Variants in WWOX observed in about 807,000 individuals in gnomAD.
WWOX encodes the protein WW domain-containing oxidoreductase.
WWOX carries 69 observed loss-of-function variants against 46.2 expected under a neutral mutation model. The ratio of observed to expected loss-of-function variants is 1.49; its 90% CI spans 1.23 to 1.82. The LOEUF (loss-of-function observed/expected upper bound fraction) is 1.82. Ranked by LOEUF, WWOX falls within the 40% of genes most tolerant of loss-of-function variation. The pLI, the probability that WWOX is intolerant of heterozygous loss-of-function variation, is 0.00. For synonymous variants in WWOX, 359 were observed against 202.6 expected, an observed-to-expected ratio of 1.77 and a Z score of -6.56; for missense variants, 919 against 542.6, an observed-to-expected ratio of 1.69 and a Z score of -6.89.
chr16:78,313,268 C>T (rs965838240), intron 5 of WWOX, among the ~76,000 whole-genome samples: 2 of 152,204 alleles, frequency 1.3e-5, no homozygotes, highest in African/African-American at 4.8e-5. Context: ...TAAAATATGG[C>T]TTATAACTCA....
At chr16:78,164,561 A>C (rs1043244292) in intron 5 of WWOX, among the ~76,000 whole-genome samples, 12 of 152,326 alleles carry the variant, frequency 7.9e-5, no homozygotes, top group African/African-American at 2.6e-4. Flanking sequence ...ATTAAGAAAA[A>C]TAAAACGTGG....
intron 8 of WWOX, among the ~76,000 whole-genome samples, chr16:78,735,599 G>A (rs1429622163): frequency 6.6e-6 from 1 of 152,198 alleles, no homozygotes; most frequent in Non-Finnish European, 1.5e-5. Flanking sequence ...TGTGTCTGCA[G>A]GCATGGGCCT....
intron 6 of WWOX, among the ~76,000 whole-genome samples, chr16:78,388,254 C>G (rs1162008236): frequency 6.6e-6 from 1 of 152,172 alleles, no homozygotes; most frequent in African/African-American, 2.4e-5. Context: ...TGGTCTCAAA[C>G]TCCTGGCCTC....
At chr16:78,932,530 C>T (rs143361630) in intron 8 of WWOX, among the ~76,000 whole-genome samples, 4 of 152,314 alleles carry the variant, frequency 2.6e-5, no homozygotes, top group African/African-American at 4.8e-5. Flanking sequence ...TGGGCCCTGC[C>T]GGCAGGCACA....
At chr16:79,144,593 AT>A (rs1833509065) in intron 8 of WWOX, among the ~76,000 whole-genome samples, 1 of 152,218 alleles carries the variant, frequency 6.6e-6, no homozygotes, top group South Asian at 2.1e-4. Context: ...ATTAAAAAAA[AT>A]ATCGAGTGGA....
chr16:79,212,292 TAGC>T lies in WWOX; in HGVS notation c.*498_*500del. ...CATCCTGACCAAGACTGAGCCAGCT[TAGC>T]AACTGCTGGGGAGACAAATCTCAGA... On this transcript the variant is annotated 3_prime_UTR_variant, in exon 9 of 9. Transcript: ENST00000566780. 1 of 1,049,010 alleles carries T rather than the reference TAGC, an allele frequency of 9.5e-7. No individual in the cohort carries two copies. The highest frequency in any genetic ancestry group is 2.6e-5 in the East Asian group (1 of 38,064). 65.0% of individuals were successfully genotyped at this position (1,049,010 alleles called of 1,614,324 possible). A position where few individuals can be genotyped will look rare whatever the true frequency, so the allele number is the denominator to read the frequency against.
At chr16:78,563,010 C>G (rs1013510085) in intron 8 of WWOX, among the ~76,000 whole-genome samples, 33 of 151,846 alleles carry the variant, frequency 2.2e-4, no homozygotes, top group African/African-American at 7.7e-4. Flanking sequence ...ATCCCTCCCC[C>G]TATCTTTCTT....
At chr16:78,422,211 G>T (rs73572808) in intron 6 of WWOX, among the ~76,000 whole-genome samples, 2,116 of 152,212 alleles carry the variant, frequency 0.014, 43 homozygotes, top group African/African-American at 0.046. Flanking sequence ...GCTTCTATAT[G>T]ATTGCATATA....
chr16:78,693,565 C>T (rs1597454087), intron 8 of WWOX, among the ~76,000 whole-genome samples: 1 of 152,082 alleles, frequency 6.6e-6, no homozygotes, highest in South Asian at 2.1e-4. Context: ...AGTAGTATTT[C>T]AGGTGGGGGG....
At chr16:79,087,583 G>C (rs2150593079) in intron 8 of WWOX, among the ~76,000 whole-genome samples, 1 of 152,204 alleles carries the variant, frequency 6.6e-6, no homozygotes, top group South Asian at 2.1e-4. Context: ...TGGACAAGAA[G>C]TCCTGAGCAC....
At chr16:78,817,096 C>A (rs933963342) in intron 8 of WWOX, among the ~76,000 whole-genome samples, 1 of 151,122 alleles carries the variant, frequency 6.6e-6, no homozygotes, top group Non-Finnish European at 1.5e-5. Flanking sequence ...CCTCTGTAAT[C>A]CCTGGTGGAG....
At chr16:79,064,725 T>C (rs1180982747) in intron 8 of WWOX, among the ~76,000 whole-genome samples, 2 of 152,218 alleles carry the variant, frequency 1.3e-5, no homozygotes, top group Non-Finnish European at 1.5e-5. Context: ...GAGTGTACAA[T>C]TCATGGGCTA....
At chr16:78,999,010 C>T (rs1337347952) in intron 8 of WWOX, among the ~76,000 whole-genome samples, 1 of 152,160 alleles carries the variant, frequency 6.6e-6, no homozygotes, top group African/African-American at 2.4e-5. Flanking sequence ...ATTCCACCTT[C>T]TAGGAACCAA....
intron 8 of WWOX, among the ~76,000 whole-genome samples, chr16:78,592,886 C>G (rs192570600): frequency 1.3e-5 from 2 of 152,098 alleles, no homozygotes; most frequent in Non-Finnish European, 2.9e-5. Context: ...AGCATGAAAA[C>G]GAAAAGGTGG....
intron 8 of WWOX, among the ~76,000 whole-genome samples, chr16:79,046,733 C>G (rs561789778): frequency 1.6e-4 from 25 of 152,304 alleles, no homozygotes; most frequent in African/African-American, 3.6e-4. Context: ...CAGCTCCCAC[C>G]TCTTTCTCTC....
At chr16:78,960,802 C>G (rs1478530497) in intron 8 of WWOX, among the ~76,000 whole-genome samples, 1 of 152,014 alleles carries the variant, frequency 6.6e-6, no homozygotes. Context: ...TTTTTGTCTT[C>G]TTGTTAAACT....
intron 8 of WWOX, chr16:78,996,111 C>A: frequency 1.3e-6 from 1 of 766,034 alleles, no homozygotes; most frequent in East Asian, 1.3e-4. Flanking sequence ...GTGGCCCCTT[C>A]CATGAAAGTC....
chr16:78,376,599 G>A (rs1204093820), intron 5 of WWOX, among the ~76,000 whole-genome samples: 3 of 152,138 alleles, frequency 2.0e-5, no homozygotes, highest in Admixed American at 2.0e-4. Flanking sequence ...GGCATCCTCG[G>A]GACTATTGAG....
intron 8 of WWOX, among the ~76,000 whole-genome samples, chr16:78,954,912 C>T (rs992061044): frequency 2.0e-5 from 3 of 152,124 alleles, no homozygotes; most frequent in South Asian, 2.1e-4. Flanking sequence ...GCCTCAGTTT[C>T]CTGAGTAGCT....
Sources: allele counts gnomAD v4.1 joint callset (sites outside exome capture counted in the v4.1 genomes callset), GRCh38; gene constraint gnomAD v4.1.1; transcripts MANE v1.5; gene names NCBI Gene and HGNC (gene_info 2026-07-23, HGNC 2026-07-21).